Variants in MYO7A observed in about 807,000 individuals in gnomAD.
MYO7A encodes unconventional myosin-VIIa.
A neutral mutation model predicts 263.8 loss-of-function variants in MYO7A; 210 were observed. The ratio of observed to expected loss-of-function variants is 0.80; its 90% CI spans 0.71 to 0.89. The LOEUF (loss-of-function observed/expected upper bound fraction) is 0.89, where lower values mean the gene tolerates loss of function less well. Ranked by LOEUF, MYO7A falls within the 40% of genes least tolerant of loss-of-function variation. The pLI is 0.00. For synonymous variants in MYO7A, 1,239 were observed against 1,197.3 expected (o/e 1.03, Z -0.72); for missense variants, 2,820 against 2,968.3 (o/e 0.95, Z 1.16).
Position 77,174,805 on chromosome 11 carries a change from T to A in MYO7A, c.1985T>A (p.Met662Lys). ...CGCCAGCTGCGGTACTCAGGAATGA[T>A]GGAGACCATCCGAATCCGCCGAGCT... ...CVRQLRYSGM[M>K]ETIRIRRAGY... The change falls in exon 17 of 49, where the codon ATG becomes AAG. Residue 662 changes from methionine (M) to lysine (K), a missense_variant. Met to Lys is a moderately conservative substitution (Grantham distance 95). Coordinates refer to ENST00000409709, the MANE Select transcript of MYO7A (RefSeq NM_000260.4). 1 of 1,612,200 alleles carries A rather than the reference T, an allele frequency of 6.2e-7. No homozygotes were observed. The highest frequency in any genetic ancestry group is 8.5e-7 in the Non-Finnish European group (1 of 1,179,380).
Position 77,149,423 on chromosome 11 carries a change from G to A in MYO7A, c.285+1473G>A, listed in dbSNP as rs1201400496. ...GAGATGGCATTCAGGAGGGGGCATGGCATGAATAAATGCTGGAGGTAGGGC... is the reference window on the plus strand; with the variant it reads ...GAGATGGCATTCAGGAGGGGGCATGACATGAATAAATGCTGGAGGTAGGGC... On this transcript the variant is annotated intron_variant, in intron 4 of 48. Transcript: ENST00000409709. Among the ~76,000 whole-genome samples the A allele has an allele frequency of 2.6e-5, 4 of 152,218 alleles. No homozygotes were observed. In the East Asian group the frequency reaches 7.7e-4, roughly 29 times the overall value.
rs954336179 is a variant in MYO7A at position 77,199,565 on chromosome 11, C to G, written c.4599C>G (p.Cys1533Trp). ...GCCGTGTCTGGCTCTCACTGGGCTG[C>G]TCTGATCTTGGCTGTGCTGCGCCTC... ...RECRVWLSLG[C>W]SDLGCAAPHS... The change falls in exon 35 of 49, where the codon TGC becomes TGG. Residue 1533 changes from cysteine (C) to tryptophan (W), a missense_variant. By Grantham distance (215) the Cys-to-Trp change is radical. Coordinates refer to ENST00000409709, the MANE Select transcript of MYO7A (RefSeq NM_000260.4). 4.6e-6 allele frequency: 7 copies of G among 1,538,412 alleles called. No homozygotes were observed. The highest frequency in any genetic ancestry group is 6.2e-6 in the Non-Finnish European group (7 of 1,138,096).
At chr11:77,213,729 A>G in intron 47 of MYO7A, 131 bp from the exon 48 acceptor site, 1 of 1,314,782 alleles carries the variant, frequency 7.6e-7, no homozygotes, top group East Asian at 2.4e-5. Context: ...CCGCAGCTGG[A>G]TGGCAGAGCT....
intron 20 of MYO7A, 115 bp downstream of exon 20, chr11:77,179,244 T>C (rs868932224): frequency 1.4e-5 from 12 of 874,996 alleles, no homozygotes; most frequent in South Asian, 1.7e-5. Context: ...GTTGGCCTCC[T>C]GCCACTGCCC....
intron 4 of MYO7A, among the ~76,000 whole-genome samples, chr11:77,153,576 C>G (rs961141282): frequency 1.3e-5 from 2 of 152,180 alleles, no homozygotes; most frequent in Non-Finnish European, 2.9e-5. Context: ...GTGCCTTGCA[C>G]GTGGCCACAG....
At chr11:77,146,213 G>A (rs1293895747) in intron 3 of MYO7A, among the ~76,000 whole-genome samples, 2 of 152,220 alleles carry the variant, frequency 1.3e-5, no homozygotes, top group South Asian at 2.1e-4. Context: ...CATGAAACCC[G>A]TGTTCCCTGG....
At position 77,181,459 on chromosome 11, in the gene MYO7A, T is replaced by C. The variant is rs1555084183; in HGVS notation, c.2774T>C (p.Leu925Pro). The change falls in exon 23 of 49, where the codon CTC (leucine) becomes CCC (proline). Residue 925 changes from leucine (L) to proline (P), a missense_variant. Leu to Pro is a moderately conservative substitution (Grantham distance 98). Coordinates refer to ENST00000409709, the MANE Select transcript of MYO7A (RefSeq NM_000260.4). ...GAGGCCGCTCGGCGGAAGAAGGAGC[T>C]CCTGGAGCAGATGGAAAGGGCCCGC... The part of the protein sequence containing the change: ...EKEAARRKKE[L>P]LEQMERARHE... The C allele has an allele frequency of 6.2e-7, 1 of 1,610,718 alleles. No homozygotes were observed. The highest frequency in any genetic ancestry group is 1.7e-5 in the Admixed American group (1 of 59,616).
intron 27 of MYO7A, 111 bp downstream of exon 27, chr11:77,184,826 C>A: frequency 6.6e-7 from 1 of 1,516,276 alleles, no homozygotes; most frequent in Non-Finnish European, 9.0e-7. Context: ...TTTGGCTTCG[C>A]TGCTAGCTAG....
Position 77,138,449 on chromosome 11 carries a change from G to A in MYO7A, c.19-4260G>A, listed in dbSNP as rs1393582526. On this transcript the variant is annotated intron_variant, in intron 2 of 48. Transcript: ENST00000409709. This position sits in a 1 kb window ranked among gnomAD's most constrained non-coding sequence, Gnocchi z 4.9. ...CCCGGGCCAGGAGGGGAGAAGGGAG[G>A]GGGAGGGCGCCTCGCCCCGGGCCTC... Among the ~76,000 whole-genome samples the A allele has an allele frequency of 2.6e-5, 4 of 152,192 alleles. No homozygotes were observed. The highest frequency in any genetic ancestry group is 4.4e-5 in the Non-Finnish European group (3 of 68,028).
chr11:77,197,913 G>A (rs966642705), intron 33 of MYO7A, among the ~76,000 whole-genome samples: 7 of 150,526 alleles, frequency 4.7e-5, no homozygotes, highest in East Asian at 3.9e-4. Context: ...ACCCGGTAGC[G>A]ACTCCATGGC....
chr11:77,184,070 G>A (rs569231845), intron 26 of MYO7A, among the ~76,000 whole-genome samples: 3 of 152,282 alleles, frequency 2.0e-5, no homozygotes, highest in African/African-American at 7.2e-5. Flanking sequence ...GGCAGAGCTC[G>A]GGGCTTGTGC....
chr11:77,168,062 C>T (rs1455312959), intron 15 of MYO7A, among the ~76,000 whole-genome samples: 1 of 152,210 alleles, frequency 6.6e-6, no homozygotes, highest in African/African-American at 2.4e-5. Flanking sequence ...CCACTCTTTC[C>T]TCTTCTCCTG....
chr11:77,194,836 G>T (rs1216112866), intron 32 of MYO7A, among the ~76,000 whole-genome samples: 1 of 152,148 alleles, frequency 6.6e-6, no homozygotes, highest in Non-Finnish European at 1.5e-5. Context: ...GTGGATGCTA[G>T]ACAGAGCTTT....
chr11:77,131,031 G>A (rs1950750185), intron 2 of MYO7A, among the ~76,000 whole-genome samples: 1 of 152,162 alleles, frequency 6.6e-6, no homozygotes, highest in Admixed American at 6.5e-5. Context: ...TTAGGGCCTT[G>A]GGGAGCAGTG....
chr11:77,201,466 T>C lies in MYO7A; in HGVS notation c.4871T>C (p.Phe1624Ser), dbSNP rs748092680. Residue 1624 changes from phenylalanine (F) to serine (S), a missense_variant, in exon 36 of 49, where the codon TTC becomes TCC. Physicochemically the swap from Phe to Ser is radical, Grantham distance 155 (BLOSUM62 -2). Transcript: ENST00000409709. ...NPNPAGEESG[F>S]LSFAKGDLII... The stretch of plus-strand genomic sequence containing the variant: ...TCTACAGCAGGCGAGGAGTCAGGCT[T>C]CCTCAGCTTTGCCAAGGGAGACCTC... The C allele has an allele frequency of 6.2e-7, 1 of 1,613,874 alleles. No individual in the cohort carries two copies.
chr11:77,156,090 A>C lies in MYO7A; in HGVS notation c.469A>C (p.Ser157Arg). 6.2e-7 allele frequency: 1 copy of C among 1,613,578 alleles called. No homozygotes were observed. Among genetic ancestry groups the C allele is most frequent in the Non-Finnish European group, 8.5e-7 (1 of 1,179,796 alleles). Residue 157 changes from serine to arginine, a missense_variant and splice_region_variant, in exon 5 of 49, where the codon AGT becomes CGT. Transcript: ENST00000409709. ...RNSRDQCCII[S>R]GESGAGKTES... The stretch of plus-strand genomic sequence containing the variant: ...CAGCCGAGACCAGTGCTGCATCATC[A>C]GGTGGGCGGCCCAGCACCTGTGTGG...
intron 46 of MYO7A, 42 bp downstream of exon 46, chr11:77,211,979 G>A (rs374157901): frequency 5.5e-5 from 82 of 1,499,284 alleles, no homozygotes; most frequent in Non-Finnish European, 7.2e-5. Context: ...AGGGGAACAG[G>A]GCATTGATAA....
chr11:77,210,906 C>T (rs1298199788), intron 44 of MYO7A: 3 of 477,514 alleles, frequency 6.3e-6, no homozygotes, highest in South Asian at 3.7e-5. Flanking sequence ...TATGGGGGGA[C>T]ATGAGGTAAC....
At position 77,161,727 on chromosome 11, in the gene MYO7A, C is replaced by T. The variant is rs529338394; in HGVS notation, c.1344-393C>T. ...CAAGTCTTGTCAACCCCCTTCCCAC[C>T]TCCCAAGGCCACTTTTGATGTCCCT... On this transcript the variant is annotated intron_variant, in intron 12 of 48. Coordinates refer to ENST00000409709, the MANE Select transcript of MYO7A (RefSeq NM_000260.4). 2.6e-5 allele frequency among the ~76,000 whole-genome samples: 4 copies of T among 152,364 alleles called. 1 individual carries two copies. The highest frequency in any genetic ancestry group is 9.6e-5 in the African/African-American group (4 of 41,592).
Sources: gnomAD v4.1 joint callset for allele counts (sites outside exome capture counted in the v4.1 genomes callset) on GRCh38, gnomAD v4.1.1 for gene constraint, Gnocchi (gnomAD v3.1) non-coding constraint, MANE v1.5 for transcripts, NCBI Gene and HGNC (gene_info 2026-07-23, HGNC 2026-07-21) for gene names.